TTI1: variants seen among roughly 807,000 people sequenced by gnomAD.
TTI1 encodes the protein TELO2-interacting protein 1 homolog.
Under a neutral mutation model 85.4 loss-of-function variants are expected in TTI1, and 52 were observed. That is an observed-to-expected ratio of 0.61 (90% CI 0.49 to 0.77). The LOEUF is 0.77. Ranked by LOEUF, TTI1 falls within the 30% of genes least tolerant of loss-of-function variation. TTI1 has a pLI of 0.00. For missense variants in TTI1, 1,173 were observed against 1,296.0 expected (o/e 0.91, Z 1.46); for synonymous variants, 512 against 503.9 (o/e 1.02, Z -0.22).
chr20:38,017,271 T>A (rs1312737806), intron 1 of TTI1, among the ~76,000 whole-genome samples: 1 of 152,106 alleles, frequency 6.6e-6, no homozygotes, highest in Non-Finnish European at 1.5e-5. Context: ...AGGCTAATAC[T>A]CCTGCCAATG....
chr20:38,022,040 T>C (rs538087316), intron 1 of TTI1, among the ~76,000 whole-genome samples: 1 of 152,274 alleles, frequency 6.6e-6, no homozygotes, highest in Admixed American at 6.5e-5. Context: ...CACTTTGGGC[T>C]ATGTGAGAAG....
intron 7 of TTI1, among the ~76,000 whole-genome samples, chr20:37,989,632 T>G (rs570605990): frequency 6.6e-6 from 1 of 152,254 alleles, no homozygotes; most frequent in Non-Finnish European, 1.5e-5. Context: ...CAAAGTGGCA[T>G]TCTGTGCTGA....
At chr20:38,030,528 AACACACACACACACACAC>A (rs3038751) in intron 1 of TTI1, among the ~76,000 whole-genome samples, 2 of 144,840 alleles carry the variant, frequency 1.4e-5, no homozygotes, top group South Asian at 4.4e-4. Flanking sequence ...CAGTATGTAA[AACACACACACACACACAC>A]ACACACACAC....
At chr20:38,021,801 G>A (rs1196029906) in intron 1 of TTI1, among the ~76,000 whole-genome samples, 1 of 152,134 alleles carries the variant, frequency 6.6e-6, no homozygotes. Context: ...ACAGGGGTGG[G>A]CTATAAGTAA....
At chr20:38,000,353 A>C (rs553422057) in intron 4 of TTI1, 1 of 154,086 alleles carries the variant, frequency 6.5e-6, no homozygotes, top group Admixed American at 6.5e-5. Context: ...CCCTACATAT[A>C]AACTGATATT....
rs374905096 is a variant in TTI1 at position 37,983,453 on chromosome 20, G to T, written c.*3C>A. On this transcript the variant is annotated 3_prime_UTR_variant, in exon 8 of 8. Coordinates refer to ENST00000373447, the MANE Select transcript of TTI1 (RefSeq NM_001303457.2). Reference sequence around the variant, plus strand: ...CGGTGGCCTCTGTGGTGGGGGAGCAGGGTCACTGCAGCTCCTTGAGCAGCT... The same window carrying T: ...CGGTGGCCTCTGTGGTGGGGGAGCATGGTCACTGCAGCTCCTTGAGCAGCT... The T allele has an allele frequency of 1.3e-4, 215 of 1,609,234 alleles. No homozygotes were observed. The African/African-American group carries it at 2.5e-3, about 19-fold the overall frequency.
chr20:38,014,290 A>T (rs1049399914), intron 1 of TTI1, among the ~76,000 whole-genome samples: 1 of 152,250 alleles, frequency 6.6e-6, no homozygotes, highest in Non-Finnish European at 1.5e-5. Context: ...CTTAATGTAC[A>T]GCTCAGTGAA....
intron 1 of TTI1, among the ~76,000 whole-genome samples, chr20:38,015,038 T>C (rs2073661157): frequency 6.6e-6 from 1 of 152,210 alleles, no homozygotes; most frequent in Non-Finnish European, 1.5e-5. Flanking sequence ...CTTTTTTCTC[T>C]ACTTGCTGGG....
chr20:38,002,545 T>C, intron 4 of TTI1, 83 bp downstream of exon 4: 1 of 1,552,168 alleles, frequency 6.4e-7, no homozygotes, highest in South Asian at 1.1e-5. Flanking sequence ...GGGAGCTACG[T>C]GCTCATCCGT....
chr20:38,020,452 G>C (rs2073755456), intron 1 of TTI1, among the ~76,000 whole-genome samples: 2 of 149,384 alleles, frequency 1.3e-5, no homozygotes, highest in South Asian at 4.2e-4. Flanking sequence ...TGATCCTGGA[G>C]TAGGCAAAGA....
intron 1 of TTI1, among the ~76,000 whole-genome samples, chr20:38,026,631 CAA>C (rs2073839622): frequency 6.6e-6 from 1 of 152,098 alleles, no homozygotes; most frequent in South Asian, 2.1e-4. Flanking sequence ...AGAAGGAAAA[CAA>C]AGAGAATTTG....
Position 38,012,443 on chromosome 20 carries a change from A to C in TTI1, c.1374T>G (p.Ala458=), listed in dbSNP as rs775579036. The C allele has an allele frequency of 3.1e-6, 5 of 1,614,230 alleles. No individual in the cohort carries two copies. Among genetic ancestry groups the C allele is most frequent in the Non-Finnish European group, 4.2e-6 (5 of 1,180,046 alleles). ...GCTGTGTGGCTGAGGTCTTTGGAGA[A>C]GCATTCAGATCATCAGAGTTCCAAC... The part of the protein sequence containing the change: ...ERRWNSDDLN[A]SPKTSATQPW... The change falls in exon 2 of 8, where the codon GCT becomes GCG. Residue 458 remains alanine (A), a synonymous_variant. Coordinates refer to ENST00000373447, the MANE Select transcript of TTI1 (RefSeq NM_001303457.2).
At position 38,013,098 on chromosome 20, in the gene TTI1, T is replaced by C. The variant is rs2073625819; in HGVS notation, c.719A>G (p.Tyr240Cys). 1.2e-6 allele frequency: 2 copies of C among 1,614,118 alleles called. No homozygotes were observed. ...SIVVSSLKIF[Y>C]KTVSFIMADE... The stretch of plus-strand genomic sequence containing the variant: ...AGCCATAATGAAGCTCACTGTCTTG[T>C]AAAAGATCTTTAGGGAAGATACGAC... The change falls in exon 2 of 8, where the codon TAC becomes TGC. Residue 240 changes from tyrosine to cysteine, a missense_variant. Physicochemically the swap from Tyr to Cys is radical, Grantham distance 194 (BLOSUM62 -2). Transcript: ENST00000373447.
At chr20:38,019,641 T>G (rs1443774038) in intron 1 of TTI1, among the ~76,000 whole-genome samples, 1 of 151,976 alleles carries the variant, frequency 6.6e-6, no homozygotes, top group African/African-American at 2.4e-5. Flanking sequence ...AAAAAAGAAA[T>G]AAAACTAGTG....
chr20:38,032,710 T>C (rs1464575434), intron 1 of TTI1, among the ~76,000 whole-genome samples: 3 of 152,198 alleles, frequency 2.0e-5, no homozygotes, highest in Non-Finnish European at 4.4e-5. Flanking sequence ...TAGCTGGAAC[T>C]GCAGGTGAGC....
chr20:38,012,665 A>G lies in TTI1; in HGVS notation c.1152T>C (p.Ser384=). The stretch of plus-strand genomic sequence containing the variant: ...CTTGGGAGTTCATTAGGCGAGGAAG[A>G]GATGTGGCAAGGGAATGCAGGCTTT... ...LSESLHSLAT[S]LPRLMNSQDD... is the part of the protein sequence containing the mutation. The change falls in exon 2 of 8, where the codon TCT becomes TCC. Residue 384 remains serine, a synonymous_variant. Transcript: ENST00000373447. 6.2e-7 allele frequency: 1 copy of G among 1,614,224 alleles called. No homozygotes were observed. Among genetic ancestry groups the G allele is most frequent in the Non-Finnish European group, 8.5e-7 (1 of 1,180,036 alleles).
At position 38,012,387 on chromosome 20, in the gene TTI1, C is replaced by A. The variant is rs36038961; in HGVS notation, c.1430G>T (p.Arg477Leu). Residue 477 changes from arginine (R) to leucine (L), a missense_variant, in exon 2 of 8, where the codon CGC (arginine) becomes CTC (leucine). By Grantham distance (102) the Arg-to-Leu change is moderately radical. Coordinates refer to ENST00000373447, the MANE Select transcript of TTI1 (RefSeq NM_001303457.2). ...GAAGATTCTCTCATCAGTGAAGAAG[C>A]GGAAATATCTCCTCTGGATGCGGTT... ...PWNRIQRRYF[R>L]FFTDERIFML... is the part of the protein sequence containing the mutation. 6.2e-7 allele frequency: 1 copy of A among 1,614,160 alleles called. No homozygotes were observed. Among genetic ancestry groups the A allele is most frequent in the Non-Finnish European group, 8.5e-7 (1 of 1,180,028 alleles).
chr20:38,027,759 T>C (rs567586859), intron 1 of TTI1, among the ~76,000 whole-genome samples: 3 of 152,144 alleles, frequency 2.0e-5, no homozygotes, highest in Non-Finnish European at 2.9e-5. Context: ...ACCCCGTCTC[T>C]ACAAAAATAC....
intron 3 of TTI1, among the ~76,000 whole-genome samples, chr20:38,004,615 T>C (rs1209894541): frequency 6.6e-6 from 1 of 152,248 alleles, no homozygotes; most frequent in Non-Finnish European, 1.5e-5. Context: ...ATGATAAGCA[T>C]GATAGGCCTG....
Sources: allele counts gnomAD v4.1 joint callset (sites outside exome capture counted in the v4.1 genomes callset), GRCh38; gene constraint gnomAD v4.1.1; transcripts MANE v1.5; gene names NCBI Gene and HGNC (gene_info 2026-07-23, HGNC 2026-07-21).